PDE5A: variants seen among roughly 807,000 people sequenced by gnomAD.
PDE5A encodes the protein phosphodiesterase 5A.
Under a neutral mutation model 110.2 loss-of-function variants are expected in PDE5A, and 67 were observed. The observed-to-expected ratio is 0.61, with a 90% CI of 0.50 to 0.75. The LOEUF (loss-of-function observed/expected upper bound fraction) is 0.75. PDE5A is among the 30% of genes least tolerant of loss of function. The probability of loss-of-function intolerance (pLI) is 0.00; values close to 1 mark genes in which losing one functional copy is unlikely to be tolerated. For synonymous variants in PDE5A, 328 were observed against 351.2 expected (o/e 0.93, Z 0.74); for missense variants, 862 against 1,045.1 (o/e 0.82, Z 2.42).
At chr4:119,590,927 G>A (rs1442802817) in intron 3 of PDE5A, among the ~76,000 whole-genome samples, 1 of 152,172 alleles carries the variant, frequency 6.6e-6, no homozygotes, top group African/African-American at 2.4e-5. Context: ...AATATTTAAT[G>A]ATTCAATAAT....
chr4:119,570,092 T>C (rs552184043), intron 3 of PDE5A, among the ~76,000 whole-genome samples: 1 of 152,288 alleles, frequency 6.6e-6, no homozygotes, highest in Non-Finnish European at 1.5e-5. Context: ...AGAAAAGGCA[T>C]AGTGTTCATC....
chr4:119,508,868 A>G (rs1578728323), intron 15 of PDE5A, among the ~76,000 whole-genome samples: 1 of 152,052 alleles, frequency 6.6e-6, no homozygotes, highest in African/African-American at 2.4e-5. Context: ...GATAGGTCTT[A>G]TAATTTGAGC....
At chr4:119,606,652 GC>G in intron 2 of PDE5A, 56 bp downstream of exon 2, 1 of 1,249,976 alleles carries the variant, frequency 8.0e-7, no homozygotes. Context: ...CATAGTACCC[GC>G]CCCAGCCATA....
intron 19 of PDE5A, 189 bp downstream of exon 19, chr4:119,502,388 GTCTT>G (rs1213317032): frequency 2.2e-6 from 1 of 450,676 alleles, no homozygotes. Flanking sequence ...GAACCCAAGA[GTCTT>G]TATTATGCCT....
chr4:119,582,126 T>C (rs1376784792), intron 3 of PDE5A, among the ~76,000 whole-genome samples: 1 of 152,226 alleles, frequency 6.6e-6, no homozygotes, highest in Non-Finnish European at 1.5e-5. Flanking sequence ...TGATAGCATT[T>C]TACCCACAGT....
At chr4:119,560,866 T>C (rs1167402715) in intron 6 of PDE5A, among the ~76,000 whole-genome samples, 2 of 152,224 alleles carry the variant, frequency 1.3e-5, no homozygotes. Context: ...ATGCCTATAA[T>C]CCCAACACTT....
At chr4:119,566,364 G>A (rs919930452) in intron 4 of PDE5A, among the ~76,000 whole-genome samples, 12 of 152,074 alleles carry the variant, frequency 7.9e-5, no homozygotes, top group Admixed American at 1.3e-4. Flanking sequence ...ACAGCAATGG[G>A]CTTTGAATAG....
rs569625550 is a variant in PDE5A at position 119,520,847 on chromosome 4, A to G, written c.1905+88T>C. On this transcript the variant is annotated intron_variant, in intron 13 of 20. Transcript: ENST00000354960. ...CAAATATTATTTTAAATCATTGTGCACCTTAAAGTGAAATTGAAAGAATAT... is the reference window on the plus strand; with the variant it reads ...CAAATATTATTTTAAATCATTGTGCGCCTTAAAGTGAAATTGAAAGAATAT... 1.1e-5 allele frequency: 12 copies of G among 1,082,748 alleles called. No individual in the cohort carries two copies. In the East Asian group the frequency reaches 2.0e-4, roughly 18 times the overall value. 67.1% of individuals were successfully genotyped at this position (1,082,748 alleles called of 1,614,324 possible).
chr4:119,526,751 C>T (rs556313491), intron 11 of PDE5A, among the ~76,000 whole-genome samples: 35 of 152,254 alleles, frequency 2.3e-4, no homozygotes, highest in Non-Finnish European at 3.1e-4. Flanking sequence ...CTTGCACATT[C>T]TCCTTTTTAT....
At chr4:119,624,353 T>C (rs1169118356) in intron 1 of PDE5A, among the ~76,000 whole-genome samples, 1 of 152,152 alleles carries the variant, frequency 6.6e-6, no homozygotes, top group African/African-American at 2.4e-5. Context: ...GATTGTATTG[T>C]AAATACCGTG....
Position 119,621,097 on chromosome 4 carries a change from G to C in PDE5A, c.152+7423C>G, listed in dbSNP as rs76829043. Among the ~76,000 whole-genome samples the C allele has an allele frequency of 4.2e-3, 637 of 152,294 alleles. 10 individuals are homozygous for C. In the East Asian group the frequency reaches 0.05, roughly 12 times the overall value. ...GAGAATGTATTTTGGCATTACAGTT[G>C]CATAAATGTTGTAACTATGATTAAA... On this transcript the variant is annotated intron_variant, in intron 1 of 20. Transcript: ENST00000354960.
chr4:119,590,762 T>C (rs913867923), intron 3 of PDE5A, among the ~76,000 whole-genome samples: 1 of 152,208 alleles, frequency 6.6e-6, no homozygotes, highest in African/African-American at 2.4e-5. Context: ...TTTCAGTGAA[T>C]CTTAAAAATC....
intron 7 of PDE5A, among the ~76,000 whole-genome samples, chr4:119,555,657 AT>A (rs1469033284): frequency 6.6e-6 from 1 of 152,122 alleles, no homozygotes; most frequent in African/African-American, 2.4e-5. Flanking sequence ...CATTATTTTA[AT>A]TATCATCATC....
chr4:119,504,619 C>A lies in PDE5A; in HGVS notation c.2268-20G>T. ...ATTGCCCTGTTATGGAAAAAAGAAA[C>A]CCAAAACTCCTATTTACTTTTGTGT... is the stretch of plus-strand genomic sequence containing the variant. On this transcript the variant is annotated intron_variant, in intron 17 of 20. Transcript: ENST00000354960. The A allele has an allele frequency of 6.2e-7, 1 of 1,600,978 alleles. No individual in the cohort carries two copies.
At chr4:119,612,885 T>A (rs1412444734) in intron 1 of PDE5A, among the ~76,000 whole-genome samples, 5 of 152,240 alleles carry the variant, frequency 3.3e-5, no homozygotes. Flanking sequence ...TAAAGTGATG[T>A]TGGAGAATCC....
chr4:119,531,500 A>G (rs906592015), intron 11 of PDE5A, among the ~76,000 whole-genome samples: 2 of 151,812 alleles, frequency 1.3e-5, no homozygotes, highest in Non-Finnish European at 2.9e-5. Context: ...CTGGTCTCAC[A>G]CTCCTGAGCT....
intron 5 of PDE5A, among the ~76,000 whole-genome samples, chr4:119,564,418 G>T (rs1727851872): frequency 6.6e-6 from 1 of 152,112 alleles, no homozygotes; most frequent in African/African-American, 2.4e-5. Context: ...AAGGAAGTGA[G>T]AAAGAAGTAG....
chr4:119,569,571 C>A (rs11098532), intron 3 of PDE5A: 39,960 of 151,502 alleles, frequency 0.26, 5,386 homozygotes, highest in East Asian at 0.38. Flanking sequence ...TCCTTTGTAT[C>A]CAACTGTGAT....
At chr4:119,628,253 T>G (rs1280855049) in intron 1 of PDE5A, among the ~76,000 whole-genome samples, 1 of 147,478 alleles carries the variant, frequency 6.8e-6, no homozygotes, top group Non-Finnish European at 1.5e-5. Flanking sequence ...ATGAAAATAA[T>G]CATGTTCCCG....
Sources: allele counts gnomAD v4.1 joint callset (sites outside exome capture counted in the v4.1 genomes callset), GRCh38; gene constraint gnomAD v4.1.1; transcripts MANE v1.5; gene names NCBI Gene and HGNC (gene_info 2026-07-23, HGNC 2026-07-21).